ALMS1: variants seen among roughly 807,000 people sequenced by gnomAD.
The protein encoded by ALMS1 is ALMS1 centrosome and basal body associated protein.
ALMS1 carries 271 observed loss-of-function variants against 352.2 expected under a neutral mutation model. That is an observed-to-expected ratio of 0.77 (90% CI 0.70 to 0.85). ALMS1 has a LOEUF of 0.85. ALMS1 is among the 40% of genes least tolerant of loss of function. ALMS1 has a pLI of 0.00. For missense variants in ALMS1, 5,445 were observed against 4,870.7 expected (o/e 1.12, Z -3.51); for synonymous variants, 1,865 against 1,761.2 (o/e 1.06, Z -1.48).
At chr2:73,595,180 G>A (rs149614100) in intron 16 of ALMS1, among the ~76,000 whole-genome samples, 6 of 152,194 alleles carry the variant, frequency 3.9e-5, no homozygotes, top group Non-Finnish European at 5.9e-5. Flanking sequence ...GCCCTCCTTC[G>A]CAGAGGTATA....
intron 1 of ALMS1, among the ~76,000 whole-genome samples, chr2:73,400,429 A>G (rs907910775): frequency 1.3e-5 from 2 of 152,172 alleles, no homozygotes; most frequent in African/African-American, 2.4e-5. Context: ...TTTGTCTGGT[A>G]TTGGCAGTAG....
intron 8 of ALMS1, 24 bp downstream of exon 8, chr2:73,454,091 T>C (rs763368879): frequency 2.5e-6 from 4 of 1,585,240 alleles, no homozygotes; most frequent in African/African-American, 2.7e-5. Context: ...TTCAGGCTTA[T>C]AAACGTTATA....
At position 73,572,396 on chromosome 2, in the gene ALMS1, A is replaced by T; in HGVS notation, c.10519A>T (p.Met3507Leu). Residue 3507 changes from methionine (M) to leucine (L), a missense_variant, in exon 16 of 23, where the codon ATG becomes TTG. Met to Leu is a conservative substitution (Grantham distance 15). Transcript: ENST00000613296. The stretch of plus-strand genomic sequence containing the variant: ...TGAATCTTTGGGAAAGAGTGTTTTC[A>T]TGAGACATTCTTGGAAAGATTTCTT... ...CHESLGKSVF[M>L]RHSWKDFFQH... 6.2e-7 allele frequency: 1 copy of T among 1,611,534 alleles called. No individual in the cohort carries two copies. Among genetic ancestry groups the T allele is most frequent in the Non-Finnish European group, 8.5e-7 (1 of 1,179,206 alleles).
Position 73,556,967 on chromosome 2 carries a change from G to T in ALMS1, c.10079-253G>T, listed in dbSNP as rs1171722964. 7.2e-5 allele frequency among the ~76,000 whole-genome samples: 11 copies of T among 152,248 alleles called. No individual in the cohort carries two copies. In the South Asian group the frequency reaches 2.1e-3, roughly 29 times the overall value. Reference sequence around the variant, plus strand: ...TCCACCCGCCTCAGCCTCCCAAAGTGCTGGGATTACAGGTGTGAGCCACCC... The same window carrying T: ...TCCACCCGCCTCAGCCTCCCAAAGTTCTGGGATTACAGGTGTGAGCCACCC... On this transcript the variant is annotated intron_variant, in intron 13 of 22. Transcript: ENST00000613296.
At chr2:73,582,022 G>T (rs559146739) in intron 16 of ALMS1, among the ~76,000 whole-genome samples, 2 of 152,188 alleles carry the variant, frequency 1.3e-5, no homozygotes, top group East Asian at 3.8e-4. Context: ...GATTACAGGC[G>T]TGAGCCACTG....
chr2:73,412,506 A>G (rs188360786), intron 2 of ALMS1, among the ~76,000 whole-genome samples: 1 of 152,138 alleles, frequency 6.6e-6, no homozygotes, highest in Non-Finnish European at 1.5e-5. Context: ...ATACCTAGGA[A>G]TGGCTGGACG....
intron 3 of ALMS1, 132 bp downstream of exon 3, chr2:73,419,450 TTC>T: frequency 1.2e-6 from 1 of 813,038 alleles, no homozygotes; most frequent in Non-Finnish European, 2.0e-6. Flanking sequence ...ATTAGCTTAT[TTC>T]TGTTTTGTTT....
In ALMS1 at chr2:73,432,322, T is replaced by C. The variant is rs779412612; in HGVS notation, c.1432+31T>C. 8 of 1,481,062 alleles carry C rather than the reference T, an allele frequency of 5.4e-6. No individual in the cohort carries two copies. The East Asian group carries it at 1.4e-4, about 25-fold the overall frequency. 91.7% of individuals were successfully genotyped at this position (1,481,062 alleles called of 1,614,324 possible). On this transcript the variant is annotated intron_variant, in intron 7 of 22. Coordinates refer to ENST00000613296, the MANE Select transcript of ALMS1 (RefSeq NM_001378454.1). ...TAGAAAAAGGAGATAGTAAATGTCC[T>C]ACTTACGGATACCTTGTGAAAAAAT... is the stretch of plus-strand genomic sequence containing the variant.
At chr2:73,501,414 G>T (rs1192546303) in intron 10 of ALMS1, among the ~76,000 whole-genome samples, 3 of 151,790 alleles carry the variant, frequency 2.0e-5, no homozygotes, top group Non-Finnish European at 4.4e-5. Flanking sequence ...GTTTTCTCCT[G>T]TATTTTCATG....
chr2:73,460,947 G>A lies in ALMS1; in HGVS notation c.7674+5652G>A, dbSNP rs562763325. ...GGTAAACAAAGCAGCCTGGAAGCTC[G>A]AACTGGGTGGAGCCCACTACAGCTC... On this transcript the variant is annotated intron_variant, in intron 9 of 22. Transcript: ENST00000613296. 1.9e-4 allele frequency among the ~76,000 whole-genome samples: 29 copies of A among 152,312 alleles called. No homozygotes were observed. The East Asian group carries it at 3.7e-3, about 19-fold the overall frequency.
At chr2:73,599,618 A>G (rs1046831763) in intron 17 of ALMS1, 97 bp downstream of exon 17, 4 of 1,408,154 alleles carry the variant, frequency 2.8e-6, no homozygotes, top group Non-Finnish European at 4.0e-6. Context: ...GGACATGAAG[A>G]TAAAACTATA....
chr2:73,538,458 C>T (rs886222926), intron 12 of ALMS1, among the ~76,000 whole-genome samples: 3 of 152,094 alleles, frequency 2.0e-5, no homozygotes, highest in Admixed American at 1.3e-4. Flanking sequence ...CCAGTGTGAG[C>T]GATGCAGAAA....
rs1302255267 is a variant in ALMS1 at position 73,408,748 on chromosome 2, G to T, written c.450+1G>T. On this transcript the variant is annotated splice_donor_variant, in intron 2 of 22. Transcript: ENST00000613296. LOFTEE classifies it high-confidence loss of function. ...TCAGCGGGGTTCTGGGGATGATCAG[G>T]TATGTCTTCTGTAACTGGCTAACTT... 6.2e-7 allele frequency: 1 copy of T among 1,608,752 alleles called. No individual in the cohort carries two copies. Among genetic ancestry groups the T allele is most frequent in the Non-Finnish European group, 8.5e-7 (1 of 1,177,048 alleles).
At chr2:73,500,154 G>A (rs773658565) in intron 10 of ALMS1, among the ~76,000 whole-genome samples, 25 of 152,294 alleles carry the variant, frequency 1.6e-4, no homozygotes, top group Non-Finnish European at 1.5e-4. Context: ...ATAATGACGT[G>A]TTATGAAATG....
chr2:73,490,339 C>T lies in ALMS1; in HGVS notation c.8380C>T (p.Gln2794Ter), dbSNP rs193919338. Residue 2794 changes from glutamine to a stop codon, truncating the protein, a stop_gained, in exon 10 of 23, where the codon CAA (glutamine) becomes TAA (stop). Coordinates refer to ENST00000613296, the MANE Select transcript of ALMS1 (RefSeq NM_001378454.1). LOFTEE classifies it high-confidence loss of function. The part of the protein sequence containing the change: ...EVTILAEGRR[Q>*]SQKLPVDFER... The stretch of plus-strand genomic sequence containing the variant: ...GACTATTTTAGCAGAAGGTAGAAGG[C>T]AAAGCCAAAAATTACCTGTTGATTT... The T allele has an allele frequency of 3.7e-6, 6 of 1,612,236 alleles. No individual in the cohort carries two copies. The highest frequency in any genetic ancestry group is 5.1e-6 in the Non-Finnish European group (6 of 1,179,228).
intron 16 of ALMS1, among the ~76,000 whole-genome samples, chr2:73,588,536 CCCTT>C (rs746195650): frequency 2.1e-4 from 32 of 152,036 alleles, no homozygotes; most frequent in Non-Finnish European, 2.9e-5. Context: ...TTTCCTGTCT[CCCTT>C]CTGCAGTTCT....
intron 2 of ALMS1, among the ~76,000 whole-genome samples, chr2:73,413,017 C>T (rs1489817350): frequency 6.6e-6 from 1 of 150,924 alleles, no homozygotes; most frequent in East Asian, 1.9e-4. Flanking sequence ...TTTTAGACAC[C>T]CTAGGAGATG....
chr2:73,574,368 G>A (rs1675008006), intron 16 of ALMS1, among the ~76,000 whole-genome samples: 1 of 152,090 alleles, frequency 6.6e-6, no homozygotes, highest in Non-Finnish European at 1.5e-5. Context: ...TGGTTCAGTG[G>A]AGTATGGAAC....
intron 16 of ALMS1, 71 bp downstream of exon 16, chr2:73,573,495 A>G: frequency 6.5e-7 from 1 of 1,530,424 alleles, no homozygotes; most frequent in African/African-American, 1.4e-5. Context: ...AGCTTTGCAC[A>G]CAGGTGAAAA....
Sources: gnomAD v4.1 joint callset for allele counts (sites outside exome capture counted in the v4.1 genomes callset) on GRCh38, gnomAD v4.1.1 for gene constraint, MANE v1.5 for transcripts, NCBI Gene and HGNC (gene_info 2026-07-23, HGNC 2026-07-21) for gene names.